Variants in MUC5AC observed in about 807,000 individuals in gnomAD.
The protein encoded by MUC5AC is mucin 5AC, oligomeric mucus/gel-forming.
MUC5AC carries 158 observed loss-of-function variants against 169.7 expected under a neutral mutation model. The observed-to-expected ratio is 0.93, with a 90% CI of 0.82 to 1.06. MUC5AC has a LOEUF of 1.06. Ranked by LOEUF, MUC5AC falls within the 50% of genes least tolerant of loss-of-function variation. The pLI is 0.00. For synonymous variants in MUC5AC, 1,975 were observed against 1,237.0 expected, an observed-to-expected ratio of 1.60 and a Z score of -12.52; for missense variants, 4,359 against 3,089.9, an observed-to-expected ratio of 1.41 and a Z score of -9.74.
rs1861047836 is a variant in MUC5AC at position 1,189,906 on chromosome 11, C to A, written c.11761C>A (p.Pro3921Thr). The change falls in exon 31 of 49, where the codon CCC becomes ACC. Residue 3921 changes from proline (P) to threonine (T), a missense_variant. Transcript: ENST00000621226. ...TTSGSGTTPS[P>T]VPTTSTASVS... ...CTCCGGTTCTGGAACTACTCCCAGC[C>A]CCGTTCCCACCACCAGCACAGCCTC... The A allele has an allele frequency of 2.6e-6, 2 of 765,096 alleles. No individual in the cohort carries two copies. Among genetic ancestry groups the A allele is most frequent in the East Asian group, 4.8e-5 (2 of 41,240 alleles). 47.4% of individuals were successfully genotyped at this position (765,096 alleles called of 1,614,324 possible).
At chr11:1,160,285 C>T (rs963936782) in intron 1 of MUC5AC, among the ~76,000 whole-genome samples, 5 of 152,162 alleles carry the variant, frequency 3.3e-5, no homozygotes, top group Non-Finnish European at 5.9e-5. Flanking sequence ...AGCGTGGCAG[C>T]GTGGGGGCCA....
At chr11:1,173,832 T>G (rs1205943840) in intron 16 of MUC5AC, among the ~76,000 whole-genome samples, 1 of 136,232 alleles carries the variant, frequency 7.3e-6, no homozygotes, top group Admixed American at 7.2e-5. Flanking sequence ...ATTCACTCAT[T>G]TACTGACTCA....
rs1335616588 is a variant in MUC5AC, at chr11:1,162,613, T to C, written c.555T>C (p.Leu185=). 2 of 1,612,610 alleles carry C rather than the reference T, an allele frequency of 1.2e-6. No individual in the cohort carries two copies. Among genetic ancestry groups the C allele is most frequent in the Non-Finnish European group, 1.7e-6 (2 of 1,179,858 alleles). Residue 185 remains leucine, a synonymous_variant, in exon 5 of 49, where the codon CTT becomes CTC. Coordinates refer to ENST00000621226, the MANE Select transcript of MUC5AC (RefSeq NM_001304359.2). ...SYTKVEARLG[L]VLMWNHDDSL... The stretch of plus-strand genomic sequence containing the variant: ...CCAAGGTGGAGGCCAGGCTGGGCCT[T>C]GTCCTCATGTGGAACCACGATGACA...
rs1861046085 is a variant in MUC5AC at position 1,189,814 on chromosome 11, C to T, written c.11669C>T (p.Pro3890Leu). The part of the protein sequence containing the change: ...TSFHTTSTTS[P>L]PTSSTSSTPQ... ...TTCCATACAACCAGCACAACCTCTCCCCCTACAAGCAGCACAAGCTCCACT... is the reference window on the plus strand; with the variant it reads ...TTCCATACAACCAGCACAACCTCTCTCCCTACAAGCAGCACAAGCTCCACT... Residue 3890 changes from proline to leucine, a missense_variant, in exon 31 of 49, where the codon CCC becomes CTC. Coordinates refer to ENST00000621226, the MANE Select transcript of MUC5AC (RefSeq NM_001304359.2). 3 of 738,754 alleles carry T rather than the reference C, an allele frequency of 4.1e-6. No homozygotes were observed. Among genetic ancestry groups the T allele is most frequent in the Non-Finnish European group, 7.4e-6 (3 of 403,944 alleles). The allele number at this position is 738,754 out of a possible 1,614,324, so 45.8% of individuals were successfully genotyped here. A position where few individuals can be genotyped will look rare whatever the true frequency, so the allele number is the denominator to read the frequency against.
In MUC5AC at chr11:1,199,902, G is replaced by A. The variant is rs763107684; in HGVS notation, c.16633G>A (p.Gly5545Ser). Residue 5545 changes from glycine to serine, a missense_variant, in exon 48 of 49, where the codon GGC (glycine) becomes AGC (serine). By Grantham distance (56) the Gly-to-Ser change is moderately conservative. Transcript: ENST00000621226. The stretch of plus-strand genomic sequence containing the variant: ...TAGGAGCCTGATCATCCAGCAGCAG[G>A]GCTGCAGCTCCTCGGAGCCCGTGCG... The part of the protein sequence containing the change: ...YHRSLIIQQQ[G>S]CSSSEPVRLA... The A allele has an allele frequency of 3.9e-6, 3 of 764,648 alleles. No individual in the cohort carries two copies. The highest frequency in any genetic ancestry group is 7.2e-6 in the Non-Finnish European group (3 of 417,698). The allele number at this position is 764,648 out of a possible 1,614,324, so 47.4% of individuals were successfully genotyped here.
At position 1,165,640 on chromosome 11, in the gene MUC5AC, G is replaced by C. The variant is rs769928595; in HGVS notation, c.1266G>C (p.Arg422=). Residue 422 remains arginine, a synonymous_variant, in exon 11 of 49, where the codon CGG becomes CGC. Transcript: ENST00000621226. ...CTCTCAGCACCTGCTCCGGAGGCCG[G>C]TGGAGCTGCCAGGAGGTTCCATGCC... ...DCTNCTCSGG[R]WSCQEVPCPG... 18 of 1,612,246 alleles carry C rather than the reference G, an allele frequency of 1.1e-5. No homozygotes were observed. In the South Asian group the frequency reaches 1.9e-4, roughly 17 times the overall value.
chr11:1,176,351 T>C (rs1860687781), intron 20 of MUC5AC, 100 bp downstream of exon 20: 1 of 398,576 alleles, frequency 2.5e-6, no homozygotes, highest in African/African-American at 2.1e-5. Flanking sequence ...TCTGACACAT[T>C]AGGCCATGGG....
rs2133750732 is a variant in MUC5AC at position 1,181,148 on chromosome 11, G to A, written c.3786G>A (p.Thr1262=). The change falls in exon 29 of 49, where the codon ACG becomes ACA. Residue 1262 remains threonine, a synonymous_variant. Transcript: ENST00000621226. ...SDKNCQSCLC[T]ERGVECTYKA... is the part of the protein sequence containing the mutation. ...TCTTCCTTGTCTCCAGCCTTTGTACGGAGCGCGGCGTGGAGTGCACCTACA... is the reference window on the plus strand; with the variant it reads ...TCTTCCTTGTCTCCAGCCTTTGTACAGAGCGCGGCGTGGAGTGCACCTACA... The A allele has an allele frequency of 5.0e-6, 2 of 398,538 alleles. No homozygotes were observed. The highest frequency in any genetic ancestry group is 8.8e-6 in the Non-Finnish European group (2 of 226,022). 24.7% of individuals were successfully genotyped at this position (398,538 alleles called of 1,614,324 possible). A position where few individuals can be genotyped will look rare whatever the true frequency, so the allele number is the denominator to read the frequency against.
Position 1,182,183 on chromosome 11 carries a change from T to C in MUC5AC, c.4038T>C (p.Asn1346=). Residue 1346 remains asparagine, a synonymous_variant, in exon 31 of 49, where the codon AAT becomes AAC. Coordinates refer to ENST00000621226, the MANE Select transcript of MUC5AC (RefSeq NM_001304359.2). ...TGAGCTCCACGCACACCCCCAGCAATGGCCCAAGCAGCGCGCACACAGGCC... is the reference window on the plus strand; with the variant it reads ...TGAGCTCCACGCACACCCCCAGCAACGGCCCAAGCAGCGCGCACACAGGCC... The part of the protein sequence containing the change: ...LVVSSTHTPS[N]GPSSAHTGPP... 5.0e-6 allele frequency: 2 copies of C among 398,592 alleles called. No homozygotes were observed. The highest frequency in any genetic ancestry group is 8.8e-6 in the Non-Finnish European group (2 of 226,096). The allele number at this position is 398,592 out of a possible 1,614,324, so 24.7% of individuals were successfully genotyped here. A position where few individuals can be genotyped will look rare whatever the true frequency, so the allele number is the denominator to read the frequency against.
Position 1,186,254 on chromosome 11 carries a change from T to C in MUC5AC, c.8109T>C (p.Val2703=), listed in dbSNP as rs1345921310. Residue 2703 remains valine, a synonymous_variant, in exon 31 of 49, where the codon GTT becomes GTC. Coordinates refer to ENST00000621226, the MANE Select transcript of MUC5AC (RefSeq NM_001304359.2). Reference sequence around the variant, plus strand: ...GTCCTGGAACTACTCCCAGCCCTGTTCCCACCACCAGCACAACCTCTGCTC... The same window carrying C: ...GTCCTGGAACTACTCCCAGCCCTGTCCCCACCACCAGCACAACCTCTGCTC... The part of the protein sequence containing the change: ...TSGPGTTPSP[V]PTTSTTSAPT... 1.3e-6 allele frequency: 1 copy of C among 746,732 alleles called. No individual in the cohort carries two copies. Among genetic ancestry groups the C allele is most frequent in the African/African-American group, 1.7e-5 (1 of 57,986 alleles). 46.3% of individuals were successfully genotyped at this position (746,732 alleles called of 1,614,324 possible). A position where few individuals can be genotyped will look rare whatever the true frequency, so the allele number is the denominator to read the frequency against.
rs1251009919 is a variant in MUC5AC at position 1,190,359 on chromosome 11, G to A, written c.12214G>A (p.Gly4072Arg). The change falls in exon 31 of 49, where the codon GGG becomes AGG. Residue 4072 changes from glycine (G) to arginine (R), a missense_variant. Gly to Arg is a moderately radical substitution (Grantham distance 125). Coordinates refer to ENST00000621226, the MANE Select transcript of MUC5AC (RefSeq NM_001304359.2). ...TGTGACAGCTCCTAGCACCCCTAGT[G>A]GGAGAGCCACCAGCCCAACTCAGAG... ...TPVTAPSTPS[G>R]RATSPTQSTS... is the part of the protein sequence containing the mutation. The A allele has an allele frequency of 4.6e-6, 3 of 654,152 alleles. No homozygotes were observed. Among genetic ancestry groups the A allele is most frequent in the Non-Finnish European group, 8.3e-6 (3 of 361,946 alleles). 40.5% of individuals were successfully genotyped at this position (654,152 alleles called of 1,614,324 possible).
Position 1,175,017 on chromosome 11 carries a change from G to C in MUC5AC, c.2228G>C (p.Cys743Ser), listed in dbSNP as rs1860637933. The C allele has an allele frequency of 2.5e-6, 1 of 404,032 alleles. No individual in the cohort carries two copies. Among genetic ancestry groups the C allele is most frequent in the African/African-American group, 2.1e-5 (1 of 48,682 alleles). The allele number at this position is 404,032 out of a possible 1,614,324, so 25.0% of individuals were successfully genotyped here. Residue 743 changes from cysteine (C) to serine (S), a missense_variant, in exon 18 of 49, where the codon TGT becomes TCT. Cys to Ser is a moderately radical substitution (Grantham distance 112). Transcript: ENST00000621226. Reference protein sequence around the residue: ...VGFIPVDGCICPKGTFLDDTG... With the variant: ...VGFIPVDGCISPKGTFLDDTG... ...TTCATCCCCGTGGATGGCTGCATCT[G>C]TCCCAAGGGCACCTTCCTGGACGAC... is the stretch of plus-strand genomic sequence containing the variant.
chr11:1,169,885 C>A (rs1202237985), intron 15 of MUC5AC, among the ~76,000 whole-genome samples: 4 of 136,776 alleles, frequency 2.9e-5, no homozygotes, highest in Non-Finnish European at 6.3e-5. Flanking sequence ...CACTCACTCA[C>A]CCACTCACCG....
Position 1,187,692 on chromosome 11 carries a change from G to C in MUC5AC, c.9547G>C (p.Gly3183Arg). The C allele has an allele frequency of 1.3e-6, 1 of 764,880 alleles. No homozygotes were observed. The highest frequency in any genetic ancestry group is 2.4e-6 in the Non-Finnish European group (1 of 417,782). 47.4% of individuals were successfully genotyped at this position (764,880 alleles called of 1,614,324 possible). A position where few individuals can be genotyped will look rare whatever the true frequency, so the allele number is the denominator to read the frequency against. The change falls in exon 31 of 49, where the codon GGT becomes CGT. Residue 3183 changes from glycine to arginine, a missense_variant. By Grantham distance (125) the Gly-to-Arg change is moderately radical. Coordinates refer to ENST00000621226, the MANE Select transcript of MUC5AC (RefSeq NM_001304359.2). ...TGCCTCTACAACCAGCACAACCCCT[G>C]GTCCTGGAACCACTCCCAGCCCCGT... ...TSASTTSTTP[G>R]PGTTPSPVPT...
At position 1,185,133 on chromosome 11, in the gene MUC5AC, A is replaced by G; in HGVS notation, c.6988A>G (p.Thr2330Ala). The change falls in exon 31 of 49, where the codon ACC becomes GCC. Residue 2330 changes from threonine to alanine, a missense_variant. Physicochemically the swap from Thr to Ala is moderately conservative, Grantham distance 58 (BLOSUM62 0). Transcript: ENST00000621226. ...AACTAGCATAACCTCTGCCCCTACAACCAGCACAACCTCTGCCCCTACAAG... is the reference window on the plus strand; with the variant it reads ...AACTAGCATAACCTCTGCCCCTACAGCCAGCACAACCTCTGCCCCTACAAG... ...PTTSITSAPTTSTTSAPTSST... is the reference protein window; with the variant it reads ...PTTSITSAPTASTTSAPTSST... 1.4e-6 allele frequency: 1 copy of G among 728,070 alleles called. No individual in the cohort carries two copies. 45.1% of individuals were successfully genotyped at this position (728,070 alleles called of 1,614,324 possible). A position where few individuals can be genotyped will look rare whatever the true frequency, so the allele number is the denominator to read the frequency against.
At chr11:1,168,600 C>T (rs34974357) in intron 13 of MUC5AC, 42 bp from the exon 14 acceptor site, 63 of 1,612,032 alleles carry the variant, frequency 3.9e-5, no homozygotes, top group Non-Finnish European at 5.0e-5. Flanking sequence ...TGGGGTCCCG[C>T]CCCACAGCCC....
rs1669879677 is a variant in MUC5AC, at chr11:1,187,898, C to T, written c.9753C>T (p.Asn3251=). The T allele has an allele frequency of 1.7e-5, 13 of 759,772 alleles. No homozygotes were observed. Among genetic ancestry groups the T allele is most frequent in the Non-Finnish European group, 3.1e-5 (13 of 414,754 alleles). 47.1% of individuals were successfully genotyped at this position (759,772 alleles called of 1,614,324 possible). Residue 3251 remains asparagine, a synonymous_variant, in exon 31 of 49, where the codon AAC becomes AAT. Transcript: ENST00000621226. ...PHGGDKETYN[N]IIRSGEKICR... ...GCGGGGACAAGGAAACCTACAACAA[C>T]ATCATCAGGAGTGGGGAAAAAATCT... is the stretch of plus-strand genomic sequence containing the variant.
At chr11:1,199,302 G>A (rs1216636231) in intron 45 of MUC5AC, 69 bp from the exon 46 acceptor site, 8 of 697,782 alleles carry the variant, frequency 1.1e-5, no homozygotes, top group South Asian at 3.0e-5. Context: ...GGAAGCCCAC[G>A]GGCTGGGGTG....
At chr11:1,161,208 C>T (rs1449860567) in intron 2 of MUC5AC, among the ~76,000 whole-genome samples, 4 of 152,168 alleles carry the variant, frequency 2.6e-5, no homozygotes, top group Non-Finnish European at 5.9e-5. Flanking sequence ...AATCTCAGCA[C>T]CTGAGAGATT....
Sources: allele counts gnomAD v4.1 joint callset (sites outside exome capture counted in the v4.1 genomes callset), GRCh38; gene constraint gnomAD v4.1.1; transcripts MANE v1.5; gene names NCBI Gene and HGNC (gene_info 2026-07-23, HGNC 2026-07-21).